The following PDZD2 variants were observed in gnomAD, a reference collection of about 807,000 sequenced individuals.
The protein encoded by PDZD2 is PDZ domain-containing protein 2.
PDZD2 carries 90 observed loss-of-function variants against 220.7 expected under a neutral mutation model. The observed-to-expected ratio is 0.41, with a 90% CI of 0.34 to 0.49. The LOEUF (loss-of-function observed/expected upper bound fraction) is 0.49, where lower values mean the gene tolerates loss of function less well. Ranked by LOEUF, PDZD2 falls within the 20% of genes least tolerant of loss-of-function variation. PDZD2 has a pLI of 0.28. For missense variants in PDZD2, 3,174 were observed against 3,608.5 expected, an observed-to-expected ratio of 0.88 and a Z score of 3.08; for synonymous variants, 1,375 against 1,450.5, an observed-to-expected ratio of 0.95 and a Z score of 1.18.
At chr5:31,784,948 G>A (rs1753295752) in intron 1 of PDZD2, among the ~76,000 whole-genome samples, 1 of 151,944 alleles carries the variant, frequency 6.6e-6, no homozygotes, top group Admixed American at 6.6e-5. Context: ...ATGTTTTCTA[G>A]TAGTGGGGAG....
intron 2 of PDZD2, among the ~76,000 whole-genome samples, chr5:31,859,677 C>T (rs958919989): frequency 6.6e-6 from 1 of 152,074 alleles, no homozygotes; most frequent in Non-Finnish European, 1.5e-5. Flanking sequence ...TAATCACTTC[C>T]ACATTAAAGG....
intron 6 of PDZD2, among the ~76,000 whole-genome samples, chr5:32,034,354 ATTT>A (rs753294040): frequency 7.8e-4 from 102 of 131,590 alleles, no homozygotes; most frequent in African/African-American, 1.6e-3. Flanking sequence ...GGAACCAGGA[ATTT>A]TTTTTTTTTT....
chr5:31,822,795 G>C, intron 2 of PDZD2: 1 of 931,864 alleles, frequency 1.1e-6, no homozygotes, highest in Non-Finnish European at 1.7e-6. Flanking sequence ...AGAAATTTCA[G>C]ATTTCAACAG....
At chr5:32,082,222 A>C (rs1332349346) in intron 19 of PDZD2, among the ~76,000 whole-genome samples, 1 of 148,792 alleles carries the variant, frequency 6.7e-6, no homozygotes, top group African/African-American at 2.5e-5. Flanking sequence ...GCGATTCACT[A>C]TGTTGGCCAG....
intron 12 of PDZD2, among the ~76,000 whole-genome samples, chr5:32,058,544 A>G (rs940936812): frequency 1.3e-5 from 2 of 151,558 alleles, no homozygotes; most frequent in African/African-American, 2.4e-5. Flanking sequence ...CGTGGTGGCA[A>G]GCGCCTGTAA....
intron 2 of PDZD2, among the ~76,000 whole-genome samples, chr5:31,880,801 T>C (rs902417634): frequency 6.9e-5 from 9 of 129,708 alleles, no homozygotes; most frequent in Admixed American, 1.6e-4. Flanking sequence ...CTTTTTTTTT[T>C]TTTTTTTTTT....
chr5:31,727,730 G>A (rs1221956179), intron 1 of PDZD2, among the ~76,000 whole-genome samples: 3 of 61,384 alleles, frequency 4.9e-5, no homozygotes, highest in Non-Finnish European at 9.7e-5. Flanking sequence ...AAGGCCGGGC[G>A]CGGTGGCTTC....
intron 1 of PDZD2, among the ~76,000 whole-genome samples, chr5:31,707,495 T>G (rs1747887298): frequency 6.6e-6 from 1 of 152,136 alleles, no homozygotes; most frequent in Non-Finnish European, 1.5e-5. Context: ...TATCTTGGAC[T>G]TTAAGCCTTC....
intron 1 of PDZD2, among the ~76,000 whole-genome samples, chr5:31,761,235 C>A (rs564536429): frequency 3.9e-5 from 6 of 151,998 alleles, no homozygotes; most frequent in Non-Finnish European, 7.4e-5. Flanking sequence ...GTCACCCAAA[C>A]GGAAAAATAA....
chr5:31,735,131 C>G (rs1476407863), intron 1 of PDZD2, among the ~76,000 whole-genome samples: 1 of 152,114 alleles, frequency 6.6e-6, no homozygotes, highest in Non-Finnish European at 1.5e-5. Flanking sequence ...CTTCATGAGC[C>G]GTGGAGCGTG....
At chr5:31,674,709 G>A (rs1293375815) in intron 1 of PDZD2, among the ~76,000 whole-genome samples, 7 of 152,232 alleles carry the variant, frequency 4.6e-5, no homozygotes, top group Non-Finnish European at 1.0e-4. Context: ...GTAAGTTGGA[G>A]AGGGAACAAG....
rs1757873242 is a variant in PDZD2, at chr5:31,849,951, T to TATATATATATAC, written c.476+50229_476+50240dup. 2.4e-4 allele frequency among the ~76,000 whole-genome samples: 5 copies of TATATATATATAC among 20,944 alleles called. 1 individual carries two copies. In the South Asian group the frequency reaches 5.5e-3, roughly 23 times the overall value. 13.7% of individuals were successfully genotyped at this position (20,944 alleles called of 152,430 possible). On this transcript the variant is annotated intron_variant, in intron 2 of 24. Transcript: ENST00000438447. Reference sequence around the variant, plus strand: ...ATATATACACATATATATATATACATATATATATATACACATATATATATA... The same window carrying TATATATATATAC: ...ATATATACACATATATATATATACATATATATATATACATATATATATACACATATATATATA...
chr5:32,087,760 G>C lies in PDZD2; in HGVS notation c.4312G>C (p.Ala1438Pro). The C allele has an allele frequency of 6.2e-7, 1 of 1,614,114 alleles. No individual in the cohort carries two copies. ...CTTCATCAAGGAGCTGGATGCTTCT[G>C]CAGCAAGGTCTCCGTCTTCCCAGAC... ...DSFIKELDAS[A>P]ARSPSSQTGD... The change falls in exon 20 of 25, where the codon GCA (alanine) becomes CCA (proline). Residue 1438 changes from alanine to proline, a missense_variant. Ala to Pro is a conservative substitution (Grantham distance 27). This residue lies in a region of PDZD2 where 1,861 missense variants were observed against 2,001.0 expected (regional missense o/e 0.93). Transcript: ENST00000438447. The surrounding 1 kb of genome is among the most constrained non-coding windows in gnomAD (Gnocchi z 4.0).
At chr5:31,811,146 G>A (rs1026658746) in intron 2 of PDZD2, among the ~76,000 whole-genome samples, 18 of 152,102 alleles carry the variant, frequency 1.2e-4, no homozygotes, top group African/African-American at 3.9e-4. Context: ...CACCATGCCC[G>A]GCTAATTTTT....
chr5:31,681,204 C>G (rs1256983604), intron 1 of PDZD2, among the ~76,000 whole-genome samples: 3 of 152,094 alleles, frequency 2.0e-5, no homozygotes. Context: ...AGGCTTATGA[C>G]TGTTGATTCA....
intron 6 of PDZD2, among the ~76,000 whole-genome samples, chr5:32,031,279 C>T (rs1022170227): frequency 1.6e-4 from 25 of 152,206 alleles, no homozygotes; most frequent in Non-Finnish European, 8.8e-5. Flanking sequence ...ACTCATCAGA[C>T]TCTGGAGTCT....
intron 2 of PDZD2, among the ~76,000 whole-genome samples, chr5:31,845,318 G>A (rs139349594): frequency 0.016 from 2,510 of 152,238 alleles, 25 homozygotes; most frequent in Non-Finnish European, 0.027. Context: ...AGAATCTCAC[G>A]GATAATCATT....
intron 2 of PDZD2, among the ~76,000 whole-genome samples, chr5:31,922,406 T>A (rs1389203718): frequency 1.3e-5 from 2 of 152,172 alleles, no homozygotes; most frequent in Non-Finnish European, 2.9e-5. Flanking sequence ...ATATGTATAT[T>A]TTTTTTATCA....
intron 2 of PDZD2, among the ~76,000 whole-genome samples, chr5:31,858,971 T>A (rs1288933631): frequency 6.6e-6 from 1 of 152,090 alleles, no homozygotes; most frequent in Non-Finnish European, 1.5e-5. Context: ...CGCCTCAGCC[T>A]CCCAAAGTGC....
Sources: allele counts gnomAD v4.1 joint callset (sites outside exome capture counted in the v4.1 genomes callset), GRCh38; gene constraint gnomAD v4.1.1; regional missense constraint gnomAD v4.1.1; non-coding constraint Gnocchi (gnomAD v3.1); transcripts MANE v1.5; gene names NCBI Gene and HGNC (gene_info 2026-07-23, HGNC 2026-07-21).